VPS37A: variants seen among roughly 807,000 people sequenced by gnomAD.
The protein encoded by VPS37A is vacuolar protein sorting-associated protein 37A.
VPS37A carries 30 observed loss-of-function variants against 49.8 expected under a neutral mutation model. The ratio of observed to expected loss-of-function variants is 0.60; its 90% CI spans 0.45 to 0.82. The LOEUF is 0.82. VPS37A is among the 40% of genes least tolerant of loss of function. The pLI, the probability that VPS37A is intolerant of heterozygous loss-of-function variation, is 0.00. For synonymous variants in VPS37A, 195 were observed against 160.6 expected, an observed-to-expected ratio of 1.21 and a Z score of -1.62; for missense variants, 593 against 464.4, an observed-to-expected ratio of 1.28 and a Z score of -2.55.
chr8:17,247,020 C>G lies in VPS37A; in HGVS notation c.-225C>G. On this transcript the variant is annotated 5_prime_UTR_variant, in exon 1 of 12. Transcript: ENST00000324849. ...GTCTGGGCCGTGAAGGTGGGACCTC[C>G]TGTTCCGGGCCGCAAGTTTCCCTCT... 1 of 599,550 alleles carries G rather than the reference C, an allele frequency of 1.7e-6. No individual in the cohort carries two copies. Among genetic ancestry groups the G allele is most frequent in the Non-Finnish European group, 2.9e-6 (1 of 344,636 alleles). 37.1% of individuals were successfully genotyped at this position (599,550 alleles called of 1,614,324 possible).
intron 1 of VPS37A, chr8:17,248,250 G>T: frequency 2.3e-6 from 1 of 437,338 alleles, no homozygotes; most frequent in Non-Finnish European, 4.5e-6. Context: ...ACATTGTTAA[G>T]TCCCTAACCC....
At chr8:17,267,310 C>G (rs1813560047) in intron 2 of VPS37A, among the ~76,000 whole-genome samples, 1 of 152,146 alleles carries the variant, frequency 6.6e-6, no homozygotes. Context: ...AAATAGTTGT[C>G]TGAACCATCA....
the VPS37A span, chr8:17,309,193 G>T: frequency 2.1e-6 from 2 of 943,510 alleles, no homozygotes; most frequent in Non-Finnish European, 3.3e-6. Context: ...AAAACAAGAC[G>T]ATTTTCCCCT....
At chr8:17,331,026 C>T in the VPS37A span, 1 of 1,163,952 alleles carries the variant, frequency 8.6e-7, no homozygotes, top group East Asian at 2.5e-5. Flanking sequence ...GCCACTGTAA[C>T]ATGATATTCT....
chr8:17,255,492 A>ATG (rs138387332), intron 1 of VPS37A, among the ~76,000 whole-genome samples: 4,195 of 150,918 alleles, frequency 0.028, 186 homozygotes, highest in African/African-American at 0.093. Context: ...AAATATATAT[A>ATG]TGTGTGTGTG....
At chr8:17,302,521 C>T (rs571906802), downstream of VPS37A, 10 of 382,932 alleles carry the variant, frequency 2.6e-5, no homozygotes, top group Non-Finnish European at 4.6e-5. Context: ...TGAATTAGCA[C>T]AGAATACATT....
intron 6 of VPS37A, among the ~76,000 whole-genome samples, chr8:17,279,486 T>C (rs542142064): frequency 6.6e-6 from 1 of 152,288 alleles, no homozygotes; most frequent in South Asian, 2.1e-4. Context: ...TTCAACATTA[T>C]GCTTGGAAGA....
intron 11 of VPS37A, among the ~76,000 whole-genome samples, chr8:17,294,205 G>A (rs1224284154): frequency 6.6e-6 from 1 of 152,188 alleles, no homozygotes; most frequent in Non-Finnish European, 1.5e-5. Flanking sequence ...GTGGAGCTGA[G>A]GTGGGCTTTG....
chr8:17,270,553 G>C (rs1417198316), intron 4 of VPS37A, among the ~76,000 whole-genome samples: 3 of 152,042 alleles, frequency 2.0e-5, no homozygotes, highest in African/African-American at 7.2e-5. Context: ...TTTTGGTTTA[G>C]TCCTGAATGT....
chr8:17,284,671 T>G (rs1197631749), intron 10 of VPS37A, 55 bp downstream of exon 10: 13 of 1,532,488 alleles, frequency 8.5e-6, no homozygotes, highest in Non-Finnish European at 1.1e-5. Flanking sequence ...GGTATTTTTA[T>G]AGAGGAGGAG....
At chr8:17,300,343 CAG>C (rs1421065428), downstream of VPS37A, 12 of 1,138,284 alleles carry the variant, frequency 1.1e-5, no homozygotes, top group South Asian at 1.7e-4. Flanking sequence ...ACATGTGACT[CAG>C]AGGGATGTGA....
At position 17,284,333 on chromosome 8, in the gene VPS37A, A is replaced by C. The variant is rs1815384777; in HGVS notation, c.970-140A>C. The C allele has an allele frequency of 6.2e-6, 6 of 960,424 alleles. No homozygotes were observed. In the East Asian group the frequency reaches 1.9e-4, roughly 31 times the overall value. 59.5% of individuals were successfully genotyped at this position (960,424 alleles called of 1,614,324 possible). A position where few individuals can be genotyped will look rare whatever the true frequency, so the allele number is the denominator to read the frequency against. On this transcript the variant is annotated intron_variant, in intron 9 of 11. Coordinates refer to ENST00000324849, the MANE Select transcript of VPS37A (RefSeq NM_152415.3). ...GCTAAGGACCTGGGTGGGGCATTAT[A>C]AGACAGCAGATTTTCTCAAAAAGAG... is the stretch of plus-strand genomic sequence containing the variant.
intron 2 of VPS37A, among the ~76,000 whole-genome samples, chr8:17,266,960 A>G (rs911721532): frequency 6.6e-6 from 1 of 151,918 alleles, no homozygotes; most frequent in Admixed American, 6.6e-5. Flanking sequence ...TTCAGTAGAG[A>G]CGAGGTTTCA....
rs1436122108 is a variant in VPS37A at position 17,297,892 on chromosome 8, T to C, written c.*2906T>C. ...TGTTACATAAATTATAATGTCTGTCTTGTAAAAAAGTTGAGGGGACTAAAA... is the reference window on the plus strand; with the variant it reads ...TGTTACATAAATTATAATGTCTGTCCTGTAAAAAAGTTGAGGGGACTAAAA... On this transcript the variant is annotated 3_prime_UTR_variant, in exon 12 of 12. Coordinates refer to ENST00000324849, the MANE Select transcript of VPS37A (RefSeq NM_152415.3). 1 of 152,088 alleles carries C rather than the reference T, an allele frequency of 6.6e-6. No individual in the cohort carries two copies. Among genetic ancestry groups the C allele is most frequent in the African/African-American group, 2.4e-5 (1 of 41,460 alleles). 9.4% of individuals were successfully genotyped at this position (152,088 alleles called of 1,614,324 possible).
At chr8:17,256,417 A>G (rs1812467376) in intron 1 of VPS37A, among the ~76,000 whole-genome samples, 2 of 148,064 alleles carry the variant, frequency 1.4e-5, no homozygotes, top group African/African-American at 5.0e-5. Flanking sequence ...TTACAGGCGC[A>G]CACCACCACA....
chr8:17,287,835 T>A (rs1309381219), intron 11 of VPS37A, among the ~76,000 whole-genome samples: 3 of 152,186 alleles, frequency 2.0e-5, no homozygotes, highest in Non-Finnish European at 4.4e-5. Flanking sequence ...CTATCCATCC[T>A]ACTGTAGTCA....
intron 1 of VPS37A, among the ~76,000 whole-genome samples, chr8:17,255,261 G>A (rs769767321): frequency 8.5e-5 from 13 of 152,096 alleles, no homozygotes; most frequent in Middle Eastern, 3.4e-3. Context: ...CGGGTGGATC[G>A]CCTGAGGTCA....
intron 9 of VPS37A, among the ~76,000 whole-genome samples, chr8:17,282,459 G>T (rs1448129086): frequency 6.6e-6 from 1 of 151,832 alleles, no homozygotes; most frequent in African/African-American, 2.4e-5. Context: ...TAATAAAACA[G>T]ATATGAGCAT....
chr8:17,311,019 CTG>C, the VPS37A span, among the ~76,000 whole-genome samples: 1 of 152,124 alleles, frequency 6.6e-6, no homozygotes, highest in South Asian at 2.1e-4. Flanking sequence ...CAACAAAAGG[CTG>C]TGAAATTTTC....
Sources: allele counts gnomAD v4.1 joint callset (sites outside exome capture counted in the v4.1 genomes callset), GRCh38; gene constraint gnomAD v4.1.1; transcripts MANE v1.5; gene names NCBI Gene and HGNC (gene_info 2026-07-23, HGNC 2026-07-21).